Variants in NFS1 observed in about 807,000 individuals in gnomAD.
NFS1 encodes NFS1 cysteine desulfurase.
Under a neutral mutation model 57.3 loss-of-function variants are expected in NFS1, and 26 were observed. That is an observed-to-expected ratio of 0.45 (90% CI 0.33 to 0.63). The LOEUF is 0.63. NFS1 is among the 20% of genes least tolerant of loss of function. NFS1 has a pLI of 0.02. For synonymous variants in NFS1, 209 were observed against 216.3 expected (o/e 0.97, Z 0.30); for missense variants, 505 against 605.8 (o/e 0.83, Z 1.75).
Position 35,680,791 on chromosome 20 carries a change from C to A in NFS1, c.736G>T (p.Asp246Tyr). ...ATGCTCATGAGATCAATTTTCATGT[C>A]ATTGACATCAAGTGGGATTTTTCCA... ...AVGKIPLDVNDMKIDLMSISG... is the reference protein window; with the variant it reads ...AVGKIPLDVNYMKIDLMSISG... Residue 246 changes from aspartate to tyrosine, a missense_variant, in exon 7 of 13, where the codon GAC (aspartate) becomes TAC (tyrosine). Transcript: ENST00000374092. 1 of 1,580,124 alleles carries A rather than the reference C, an allele frequency of 6.3e-7. No individual in the cohort carries two copies. The highest frequency in any genetic ancestry group is 8.6e-7 in the Non-Finnish European group (1 of 1,164,476).
intron 2 of NFS1, among the ~76,000 whole-genome samples, chr20:35,698,002 A>G (rs915749019): frequency 1.3e-5 from 2 of 151,604 alleles, no homozygotes; most frequent in African/African-American, 4.9e-5. Context: ...ACCCATCCCA[A>G]CTCGGATTGT....
chr20:35,681,597 C>G (rs1015516484), intron 6 of NFS1, among the ~76,000 whole-genome samples: 6 of 152,124 alleles, frequency 3.9e-5, no homozygotes, highest in Admixed American at 3.9e-4. Flanking sequence ...ACTCAAGAGG[C>G]TGAGGCGGTA....
chr20:35,680,814 CCAACAGCCTGGGCTG>C lies in NFS1; in HGVS notation c.698_712del (p.Ala233_Val237del). On this transcript the variant is annotated inframe_deletion, in exon 7 of 13. Coordinates refer to ENST00000374092, the MANE Select transcript of NFS1 (RefSeq NM_021100.5). ...GTCATTGACATCAAGTGGGATTTTT[CCAACAGCCTGGGCTG>C]CATCAGTATGGAAATATACCTTTCT... 6.3e-7 allele frequency: 1 copy of C among 1,583,406 alleles called. No homozygotes were observed.
chr20:35,671,148 G>C (rs919328334), intron 12 of NFS1, among the ~76,000 whole-genome samples: 1 of 152,184 alleles, frequency 6.6e-6, no homozygotes, highest in African/African-American at 2.4e-5. Flanking sequence ...CTGTCGCCCA[G>C]GCTGGAGAGC....
chr20:35,676,533 C>A (rs1388364670), intron 7 of NFS1, among the ~76,000 whole-genome samples: 1 of 151,420 alleles, frequency 6.6e-6, no homozygotes, highest in Non-Finnish European at 1.5e-5. Flanking sequence ...TTGCAGTGAG[C>A]CAAGATTGTG....
intron 11 of NFS1, among the ~76,000 whole-genome samples, 184 bp from the exon 12 acceptor site, chr20:35,673,028 CTGTAATTCCAACAGT>C (rs1281906781): frequency 6.6e-6 from 1 of 152,192 alleles, no homozygotes; most frequent in East Asian, 1.9e-4. Context: ...TGGCTCACGC[CTGTAATTCCAACAGT>C]TTGGGAGGCC....
rs1187056522 is a variant in NFS1 at position 35,681,900 on chromosome 20, T to C, written c.643A>G (p.Ile215Val). The C allele has an allele frequency of 1.2e-6, 2 of 1,607,932 alleles. No individual in the cohort carries two copies. The highest frequency in any genetic ancestry group is 8.5e-7 in the Non-Finnish European group (1 of 1,174,604). ...VNNEIGVKQP[I>V]AEIGRICSSR... ...CCATGATACTCACCTATTTCTGCAATAGGCTGCTTCACTCCAATCTCATTG... is the reference window on the plus strand; with the variant it reads ...CCATGATACTCACCTATTTCTGCAACAGGCTGCTTCACTCCAATCTCATTG... Residue 215 changes from isoleucine (I) to valine (V), a missense_variant, in exon 6 of 13, where the codon ATT becomes GTT. Coordinates refer to ENST00000374092, the MANE Select transcript of NFS1 (RefSeq NM_021100.5).
intron 3 of NFS1, among the ~76,000 whole-genome samples, chr20:35,697,478 T>C (rs1031806249): frequency 2.0e-5 from 3 of 152,116 alleles, no homozygotes; most frequent in Non-Finnish European, 4.4e-5. Flanking sequence ...TCAAAGAAAT[T>C]AGATAACTTG....
intron 1 of NFS1, chr20:35,698,826 TAGGA>T (rs1265465500): frequency 3.3e-5 from 44 of 1,325,276 alleles, no homozygotes; most frequent in Admixed American, 1.1e-4. Flanking sequence ...AATGGTATCG[TAGGA>T]AGGAAGGCTC....
At chr20:35,698,991 T>C in intron 1 of NFS1, 1 of 1,323,674 alleles carries the variant, frequency 7.6e-7, no homozygotes, top group Non-Finnish European at 9.6e-7. Flanking sequence ...TCTGGGGGCC[T>C]GTCGCGCAGG....
rs1273971686 is a variant in NFS1 at position 35,697,813 on chromosome 20, G to A, written c.208-13C>T. On this transcript the variant is annotated splice_polypyrimidine_tract_variant and intron_variant, in intron 2 of 12. Coordinates refer to ENST00000374092, the MANE Select transcript of NFS1 (RefSeq NM_021100.5). ...GCACCCGGGGGTCCTGAACACAACA[G>A]AACAGATCATTTTCCTTGAGCGCAT... 2.6e-6 allele frequency: 4 copies of A among 1,564,258 alleles called. No individual in the cohort carries two copies. Among genetic ancestry groups the A allele is most frequent in the Non-Finnish European group, 2.6e-6 (3 of 1,140,464 alleles).
rs202193502 is a variant in NFS1 at position 35,685,284 on chromosome 20, TGGGA to T, written c.562-3307_562-3304del. On this transcript the variant is annotated intron_variant, in intron 5 of 12. Transcript: ENST00000374092. ...CAGCTACTCAGGAAGGAGGCTGAGG[TGGGA>T]GGATCATTTGAGCCTAGGAGGTCAA... 3.8e-3 allele frequency among the ~76,000 whole-genome samples: 573 copies of T among 151,764 alleles called. 23 individuals are homozygous for T. Among genetic ancestry groups the T allele is most frequent in the African/African-American group, 0.014 (562 of 41,182 alleles).
chr20:35,687,328 G>A (rs1340255602), intron 5 of NFS1, among the ~76,000 whole-genome samples: 1 of 152,164 alleles, frequency 6.6e-6, no homozygotes, highest in Admixed American at 6.5e-5. Context: ...ACCTGGCTCT[G>A]CCTTTTCGTT....
chr20:35,699,004 G>A lies in NFS1; in HGVS notation c.97+188C>T. 7.5e-7 allele frequency: 1 copy of A among 1,328,906 alleles called. No homozygotes were observed. Among genetic ancestry groups the A allele is most frequent in the Non-Finnish European group, 9.6e-7 (1 of 1,043,660 alleles). The allele number at this position is 1,328,906 out of a possible 1,614,324, so 82.3% of individuals were successfully genotyped here. A position where few individuals can be genotyped will look rare whatever the true frequency, so the allele number is the denominator to read the frequency against. ...GCTCTGGGGGCCTGTCGCGCAGGGT[G>A]CGAGGGGTGGTGCGCCGGGGTCAAC... is the stretch of plus-strand genomic sequence containing the variant. On this transcript the variant is annotated intron_variant, in intron 1 of 12. Coordinates refer to ENST00000374092, the MANE Select transcript of NFS1 (RefSeq NM_021100.5). The surrounding 1 kb of genome is among the most constrained non-coding windows in gnomAD (Gnocchi z 4.4).
At chr20:35,684,271 G>T (rs2034900570) in intron 5 of NFS1, among the ~76,000 whole-genome samples, 1 of 151,884 alleles carries the variant, frequency 6.6e-6, no homozygotes, top group African/African-American at 2.4e-5. Flanking sequence ...AGGCGTGGTG[G>T]CGGGCGCCTA....
At chr20:35,691,611 C>T (rs976569469) in intron 4 of NFS1, among the ~76,000 whole-genome samples, 2 of 150,366 alleles carry the variant, frequency 1.3e-5, no homozygotes, top group East Asian at 2.0e-4. Context: ...CCCGGTGGCA[C>T]GCACCTGTAA....
intron 4 of NFS1, 66 bp downstream of exon 4, chr20:35,696,311 T>G: frequency 1.9e-6 from 2 of 1,070,836 alleles, no homozygotes; most frequent in South Asian, 2.5e-5. Flanking sequence ...CGAGTCCAAA[T>G]GATGGAGGGA....
chr20:35,685,856 A>AC (rs1188366433), intron 5 of NFS1, among the ~76,000 whole-genome samples: 3 of 103,268 alleles, frequency 2.9e-5, no homozygotes, highest in Admixed American at 1.1e-4. Flanking sequence ...GAAATTCAGT[A>AC]CCCCCCCGCA....
chr20:35,697,301 A>AT (rs2035151461), intron 3 of NFS1, among the ~76,000 whole-genome samples: 1 of 146,794 alleles, frequency 6.8e-6, no homozygotes, highest in Non-Finnish European at 1.5e-5. Context: ...ACTCCATCTC[A>AT]TAAAAAAAAA....
Sources: allele counts gnomAD v4.1 joint callset (sites outside exome capture counted in the v4.1 genomes callset), GRCh38; gene constraint gnomAD v4.1.1; non-coding constraint Gnocchi (gnomAD v3.1); transcripts MANE v1.5; gene names NCBI Gene and HGNC (gene_info 2026-07-23, HGNC 2026-07-21).